The following EBF1 variants were observed in gnomAD, a reference collection of about 807,000 sequenced individuals.
The protein encoded by EBF1 is EBF transcription factor 1.
In EBF1, 10 loss-of-function variants were observed where a neutral mutation model predicts 68.4. The observed-to-expected ratio is 0.15, with a 90% CI of 0.09 to 0.25. The LOEUF (loss-of-function observed/expected upper bound fraction) is 0.25. Ranked by LOEUF, EBF1 falls within the 10% of genes least tolerant of loss-of-function variation. EBF1 has a pLI of 1.00. For synonymous variants in EBF1, 298 were observed against 299.8 expected (o/e 0.99, Z 0.06); for missense variants, 509 against 794.4 (o/e 0.64, Z 4.32).
chr5:158,700,811 G>A (rs1016273870), intron 15 of EBF1, among the ~76,000 whole-genome samples: 1 of 152,122 alleles, frequency 6.6e-6, no homozygotes, highest in Non-Finnish European at 1.5e-5. Flanking sequence ...AAAGCTCCTG[G>A]AGTCCTTTCT....
chr5:158,942,519 T>G (rs897694541), intron 6 of EBF1, among the ~76,000 whole-genome samples: 1 of 152,184 alleles, frequency 6.6e-6, no homozygotes, highest in African/African-American at 2.4e-5. Context: ...AGAGTCCTTA[T>G]TAATATTGTA....
chr5:158,940,494 A>G (rs1294769987), intron 6 of EBF1, among the ~76,000 whole-genome samples: 1 of 152,202 alleles, frequency 6.6e-6, no homozygotes, highest in Non-Finnish European at 1.5e-5. Flanking sequence ...TTAAAGAGGT[A>G]AAATAACTTC....
At chr5:158,921,062 A>T (rs1464508304) in intron 6 of EBF1, among the ~76,000 whole-genome samples, 1 of 152,226 alleles carries the variant, frequency 6.6e-6, no homozygotes, top group Non-Finnish European at 1.5e-5. Flanking sequence ...GTAGAGAGGG[A>T]GAAAAGTCCA....
rs185919687 is a variant in EBF1, at chr5:159,064,174, G to A, written c.554+9222C>T. Among the ~76,000 whole-genome samples, 138 of 152,108 alleles carry A rather than the reference G, an allele frequency of 9.1e-4. 2 individuals carry two copies. The highest frequency in any genetic ancestry group is 1.5e-3 in the Non-Finnish European group (105 of 68,014). On this transcript the variant is annotated intron_variant, in intron 6 of 15. Transcript: ENST00000313708. ...CATATATGTGTGTGTATATATATGT[G>A]TTTATATATATGTGTGTGTATATAT...
At chr5:158,823,374 T>C in intron 7 of EBF1, 57 bp from the exon 8 acceptor site, 2 of 1,515,726 alleles carry the variant, frequency 1.3e-6, no homozygotes, top group Non-Finnish European at 1.8e-6. Flanking sequence ...TGGTGGGTAA[T>C]AAACTCAAGT....
chr5:158,721,594 A>G (rs1241435823), intron 11 of EBF1, among the ~76,000 whole-genome samples: 3 of 152,190 alleles, frequency 2.0e-5, no homozygotes, highest in African/African-American at 4.8e-5. Flanking sequence ...GCTGCCTATT[A>G]GACCAGGTAA....
intron 7 of EBF1, among the ~76,000 whole-genome samples, chr5:158,828,230 G>A (rs1281870685): frequency 6.6e-6 from 1 of 152,154 alleles, no homozygotes; most frequent in Non-Finnish European, 1.5e-5. Context: ...TATGTTGAGG[G>A]TAAAAAGCCA....
At chr5:159,007,079 C>T (rs779847768) in intron 6 of EBF1, among the ~76,000 whole-genome samples, 5 of 152,156 alleles carry the variant, frequency 3.3e-5, no homozygotes, top group Non-Finnish European at 7.3e-5. Context: ...CATGTGTCCT[C>T]ATTGTGAGAC....
At chr5:159,063,306 C>G (rs1776181556) in intron 6 of EBF1, among the ~76,000 whole-genome samples, 1 of 152,076 alleles carries the variant, frequency 6.6e-6, no homozygotes, top group Non-Finnish European at 1.5e-5. Context: ...CAGTCTTAAC[C>G]AACATGTAGA....
intron 7 of EBF1, among the ~76,000 whole-genome samples, chr5:158,831,038 CAT>C: frequency 6.6e-6 from 1 of 152,174 alleles, no homozygotes; most frequent in South Asian, 2.1e-4. Flanking sequence ...TGAACGGTGA[CAT>C]ATGATAAACA....
intron 1 of EBF1, among the ~76,000 whole-genome samples, chr5:159,098,664 T>C (rs1396462691): frequency 7.7e-6 from 1 of 129,644 alleles, no homozygotes; most frequent in Non-Finnish European, 1.6e-5. Context: ...GGGAAAGAAA[T>C]GAGAGAAGGA....
At chr5:158,884,363 T>A (rs1436142175) in intron 6 of EBF1, among the ~76,000 whole-genome samples, 1 of 152,210 alleles carries the variant, frequency 6.6e-6, no homozygotes, top group Non-Finnish European at 1.5e-5. Context: ...AATATGAATC[T>A]AGGGAGTTCT....
intron 6 of EBF1, among the ~76,000 whole-genome samples, chr5:158,925,793 T>C (rs1369657821): frequency 6.6e-6 from 1 of 152,230 alleles, no homozygotes; most frequent in Admixed American, 6.5e-5. Flanking sequence ...TGGGTGGAGA[T>C]GAGTGGGAAT....
chr5:158,834,521 C>T (rs78097817), intron 7 of EBF1, among the ~76,000 whole-genome samples: 5 of 149,596 alleles, frequency 3.3e-5, no homozygotes, highest in African/African-American at 7.5e-5. Context: ...AAAAAAAAAA[C>T]ATTGTGCCAG....
At chr5:158,826,100 T>C (rs1786048729) in intron 7 of EBF1, among the ~76,000 whole-genome samples, 1 of 152,146 alleles carries the variant, frequency 6.6e-6, no homozygotes, top group South Asian at 2.1e-4. Context: ...TTCCTAAATT[T>C]TGTCAATAAA....
intron 9 of EBF1, among the ~76,000 whole-genome samples, chr5:158,783,964 T>C (rs1776926218): frequency 6.6e-6 from 1 of 152,122 alleles, no homozygotes; most frequent in Non-Finnish European, 1.5e-5. Flanking sequence ...ACATGGTAGG[T>C]AAATGAGAGT....
At chr5:158,712,401 G>A (rs1030264941) in intron 13 of EBF1, 68 bp from the exon 14 acceptor site, 2 of 1,555,686 alleles carry the variant, frequency 1.3e-6, no homozygotes, top group African/African-American at 1.4e-5. Context: ...GAAGACTCGG[G>A]GAAAGGAAGG....
At chr5:159,087,451 T>C (rs1328363123) in intron 4 of EBF1, among the ~76,000 whole-genome samples, 6 of 148,728 alleles carry the variant, frequency 4.0e-5, no homozygotes, top group Non-Finnish European at 5.9e-5. Context: ...CATATATATA[T>C]ACACACACAC....
In EBF1 at chr5:158,868,225, T is replaced by G. The variant is rs371215037; in HGVS notation, c.555-28115A>C. On this transcript the variant is annotated intron_variant, in intron 6 of 15. Coordinates refer to ENST00000313708, the MANE Select transcript of EBF1 (RefSeq NM_024007.5). ...TAAATGTCTAGACAAAGATTCCTGT[T>G]TTATAAACCCAGAGTTTATAGAGTT... is the stretch of plus-strand genomic sequence containing the variant. 5.3e-5 allele frequency among the ~76,000 whole-genome samples: 8 copies of G among 152,326 alleles called. No individual in the cohort carries two copies. In the South Asian group the frequency reaches 1.7e-3, roughly 32 times the overall value.
Sources: gnomAD v4.1 joint callset for allele counts (sites outside exome capture counted in the v4.1 genomes callset) on GRCh38, gnomAD v4.1.1 for gene constraint, MANE v1.5 for transcripts, NCBI Gene and HGNC (gene_info 2026-07-23, HGNC 2026-07-21) for gene names.